TOM1L1: variants seen among roughly 807,000 people sequenced by gnomAD.
The protein encoded by TOM1L1 is target of myb1 like 1 membrane trafficking protein.
In TOM1L1, 64 loss-of-function variants were observed where a neutral mutation model predicts 63.4. The observed-to-expected ratio is 1.01, with a 90% CI of 0.83 to 1.24. TOM1L1 has a LOEUF of 1.24. Ranked by LOEUF, TOM1L1 falls within the 50% of genes most tolerant of loss-of-function variation. TOM1L1 has a pLI of 0.00. For missense variants in TOM1L1, 536 were observed against 567.0 expected, an observed-to-expected ratio of 0.95 and a Z score of 0.55; for synonymous variants, 166 against 194.4, an observed-to-expected ratio of 0.85 and a Z score of 1.22.
chr17:54,921,031 A>G (rs1433218899), intron 7 of TOM1L1, among the ~76,000 whole-genome samples: 2 of 152,062 alleles, frequency 1.3e-5, no homozygotes, highest in Non-Finnish European at 2.9e-5. Context: ...GGGCGTAGTC[A>G]TGCAGGGGTT....
intron 15 of TOM1L1, among the ~76,000 whole-genome samples, 155 bp downstream of exon 15, chr17:54,960,782 C>T (rs1291119491): frequency 6.6e-6 from 1 of 152,086 alleles, no homozygotes; most frequent in East Asian, 1.9e-4. Flanking sequence ...TGTGCTGAAC[C>T]ATTGTTCACT....
Position 54,958,748 on chromosome 17 carries a change from A to AAAAG in TOM1L1, c.1371-1818_1371-1817insAAAG, listed in dbSNP as rs372776781. On this transcript the variant is annotated intron_variant, in intron 14 of 15. Transcript: ENST00000575882. ...TCCATCTCAAAAAAAAAAAAAAAAAAGGGGTTGTTGGTAGCTAGAGGATAC... is the reference window on the plus strand; with the variant it reads ...TCCATCTCAAAAAAAAAAAAAAAAAAAAAGGGGGTTGTTGGTAGCTAGAGGATAC... Among the ~76,000 whole-genome samples, 35 of 118,946 alleles carry AAAAG rather than the reference A, an allele frequency of 2.9e-4. 1 individual carries two copies. Among genetic ancestry groups the AAAAG allele is most frequent in the African/African-American group, 8.4e-4 (27 of 32,196 alleles). 78.0% of individuals were successfully genotyped at this position (118,946 alleles called of 152,430 possible).
chr17:54,932,114 T>C (rs2048872375), intron 8 of TOM1L1, among the ~76,000 whole-genome samples: 1 of 151,914 alleles, frequency 6.6e-6, no homozygotes, highest in Non-Finnish European at 1.5e-5. Context: ...CCTCAGACAC[T>C]GAGTTAAAGA....
chr17:54,933,521 T>TTTTTG (rs1555610606), intron 8 of TOM1L1, among the ~76,000 whole-genome samples: 1 of 151,942 alleles, frequency 6.6e-6, no homozygotes, highest in East Asian at 1.9e-4. Flanking sequence ...ACAGCTTGGT[T>TTTTTG]TTTTGTTTTG....
At chr17:54,960,930 C>T (rs1234782438) in intron 15 of TOM1L1, among the ~76,000 whole-genome samples, 1 of 152,170 alleles carries the variant, frequency 6.6e-6, no homozygotes, top group Admixed American at 6.6e-5. Context: ...ATTTGTTTTT[C>T]ATATGCAGTT....
chr17:54,906,685 T>A (rs1179172620), intron 3 of TOM1L1: 1 of 850,748 alleles, frequency 1.2e-6, no homozygotes, highest in Non-Finnish European at 1.4e-6. Flanking sequence ...TTTAAGCAAT[T>A]CTCCTGTGTG....
chr17:54,938,711 C>G, intron 10 of TOM1L1: 1 of 423,600 alleles, frequency 2.4e-6, no homozygotes, highest in South Asian at 4.4e-5. Context: ...CTCTCTCTAC[C>G]TACCATAAAT....
intron 12 of TOM1L1, among the ~76,000 whole-genome samples, chr17:54,949,203 A>ATTTTTTTT (rs58407367): frequency 0.22 from 26,960 of 121,168 alleles, 3,469 homozygotes; most frequent in South Asian, 0.26. Context: ...ATGCCCAGCT[A>ATTTTTTTT]TTTTTTTTTT....
At chr17:54,922,328 T>A (rs575983728) in intron 7 of TOM1L1, among the ~76,000 whole-genome samples, 2 of 152,050 alleles carry the variant, frequency 1.3e-5, no homozygotes, top group South Asian at 4.2e-4. Context: ...TAAGGAAGGC[T>A]AGGCACAGTG....
intron 7 of TOM1L1, among the ~76,000 whole-genome samples, chr17:54,929,553 CTGTAAATGTATTTT>C: frequency 1.3e-5 from 2 of 152,242 alleles, no homozygotes; most frequent in East Asian, 3.9e-4. Flanking sequence ...AATAATGCCA[CTGTAAATGTATTTT>C]AACTACTTCT....
At chr17:54,929,979 G>A in intron 7 of TOM1L1, 94 bp from the exon 8 acceptor site, 1 of 1,504,166 alleles carries the variant, frequency 6.6e-7, no homozygotes, top group Non-Finnish European at 9.1e-7. Context: ...ACTTAACGTG[G>A]AGGTGACTGT....
chr17:54,934,961 A>G (rs2048922922), intron 8 of TOM1L1, among the ~76,000 whole-genome samples: 1 of 152,026 alleles, frequency 6.6e-6, no homozygotes, highest in African/African-American at 2.4e-5. Flanking sequence ...CAAGTAATCC[A>G]CCTGTCTCAG....
Position 54,913,862 on chromosome 17 carries a change from G to A in TOM1L1, c.487G>A (p.Ala163Thr), listed in dbSNP as rs1050944304. 62 of 1,607,696 alleles carry A rather than the reference G, an allele frequency of 3.9e-5. No individual in the cohort carries two copies. Among genetic ancestry groups the A allele is most frequent in the Non-Finnish European group, 5.0e-5 (59 of 1,176,152 alleles). ...FPPSEAEAET[A>T]RQETAQISSN... ...TCCCTCAGAAGCAGAGGCTGAAACAGCAAGACAAGAGGTAGGAGGCCTTTC... is the reference window on the plus strand; with the variant it reads ...TCCCTCAGAAGCAGAGGCTGAAACAACAAGACAAGAGGTAGGAGGCCTTTC... Residue 163 changes from alanine to threonine, a missense_variant, in exon 5 of 16, where the codon GCA (alanine) becomes ACA (threonine). By Grantham distance (58) the Ala-to-Thr change is moderately conservative. Transcript: ENST00000575882.
rs772684248 is a variant in TOM1L1 at position 54,912,832 on chromosome 17, C to G, written c.372+17C>G. The G allele has an allele frequency of 1.3e-6, 2 of 1,532,738 alleles. No homozygotes were observed. The highest frequency in any genetic ancestry group is 2.6e-5 in the South Asian group (2 of 76,540). 94.9% of individuals were successfully genotyped at this position (1,532,738 alleles called of 1,614,324 possible). ...TTCATTAAGGTAAGTCTGTTGTATACCTCATGGGATGGTAAATTTCTAAGA... is the reference window on the plus strand; with the variant it reads ...TTCATTAAGGTAAGTCTGTTGTATAGCTCATGGGATGGTAAATTTCTAAGA... On this transcript the variant is annotated intron_variant, in intron 4 of 15. Transcript: ENST00000575882.
chr17:54,947,152 G>A, intron 11 of TOM1L1, 109 bp from the exon 12 acceptor site: 1 of 1,010,942 alleles, frequency 9.9e-7, no homozygotes, highest in Non-Finnish European at 1.5e-6. Context: ...ACTTTATGCA[G>A]TCTGAAGGTA....
chr17:54,923,143 A>C (rs1050470694), intron 7 of TOM1L1, among the ~76,000 whole-genome samples: 1 of 152,222 alleles, frequency 6.6e-6, no homozygotes, highest in African/African-American at 2.4e-5. Context: ...TCATTAATAG[A>C]CATTTAGGTT....
intron 1 of TOM1L1, among the ~76,000 whole-genome samples, chr17:54,903,030 T>C (rs1185995747): frequency 3.3e-5 from 5 of 152,206 alleles, no homozygotes; most frequent in African/African-American, 1.2e-4. Flanking sequence ...TCTTTGCAAG[T>C]ATTGGTTGAA....
At chr17:54,936,241 G>C (rs766272843) in intron 8 of TOM1L1, among the ~76,000 whole-genome samples, 3 of 152,094 alleles carry the variant, frequency 2.0e-5, no homozygotes, top group African/African-American at 4.8e-5. Context: ...GTGGTTAAAA[G>C]TGTGATAGAT....
intron 7 of TOM1L1, among the ~76,000 whole-genome samples, chr17:54,927,991 A>G (rs955506802): frequency 1.3e-5 from 2 of 152,154 alleles, no homozygotes; most frequent in African/African-American, 4.8e-5. Context: ...CATTTTTGTC[A>G]TAGGTATCAG....
Sources: allele counts gnomAD v4.1 joint callset (sites outside exome capture counted in the v4.1 genomes callset), GRCh38; gene constraint gnomAD v4.1.1; transcripts MANE v1.5; gene names NCBI Gene and HGNC (gene_info 2026-07-23, HGNC 2026-07-21).